Variants in FBN2 observed in about 807,000 individuals in gnomAD.
FBN2 encodes fibrillin-2.
In FBN2, 105 loss-of-function variants were observed where a neutral mutation model predicts 355.6. The observed-to-expected ratio is 0.30, with a 90% confidence interval of 0.25 to 0.35. The LOEUF (loss-of-function observed/expected upper bound fraction) is 0.35. FBN2 is among the 10% of genes least tolerant of loss of function. The pLI is 1.00. For synonymous variants in FBN2, 1,350 were observed against 1,301.2 expected, an observed-to-expected ratio of 1.04 and a Z score of -0.81; for missense variants, 3,280 against 3,758.7, an observed-to-expected ratio of 0.87 and a Z score of 3.33.
chr5:128,371,689 A>G (rs1751949429), intron 15 of FBN2, among the ~76,000 whole-genome samples: 1 of 152,026 alleles, frequency 6.6e-6, no homozygotes, highest in South Asian at 2.1e-4. Flanking sequence ...GCACACCACT[A>G]CAACCGGCTA....
intron 23 of FBN2, among the ~76,000 whole-genome samples, chr5:128,346,850 T>C (rs1276079004): frequency 6.6e-6 from 1 of 152,132 alleles, no homozygotes; most frequent in Non-Finnish European, 1.5e-5. Context: ...GTCCTATTTT[T>C]AAGGAAAAAA....
Position 128,328,749 on chromosome 5 carries a change from C to A in FBN2, c.4418G>T (p.Arg1473Leu). ...AGTGAAGCCCATCTCACACTCGCAG[C>A]GATATGCACCCGGGACATTAAGGCA... ...GQCLNVPGAY[R>L]CECEMGFTPA... Residue 1473 changes from arginine to leucine, a missense_variant, in exon 34 of 65, where the codon CGC becomes CTC. Arg to Leu is a moderately radical substitution (Grantham distance 102, BLOSUM62 -2). This residue lies in a region of FBN2 where 2,284 missense variants were observed against 2,749.5 expected (regional missense o/e 0.83). Transcript: ENST00000262464. The A allele has an allele frequency of 6.2e-7, 1 of 1,614,094 alleles. No homozygotes were observed. Among genetic ancestry groups the A allele is most frequent in the South Asian group, 1.1e-5 (1 of 91,080 alleles).
intron 17 of FBN2, 60 bp downstream of exon 17, chr5:128,366,317 T>C: frequency 1.2e-6 from 1 of 852,244 alleles, no homozygotes; most frequent in Non-Finnish European, 1.9e-6. Flanking sequence ...AATATTAGAA[T>C]TATAAAGCTA....
intron 15 of FBN2, among the ~76,000 whole-genome samples, chr5:128,373,861 A>G (rs1251815100): frequency 6.6e-6 from 1 of 152,140 alleles, no homozygotes; most frequent in African/African-American, 2.4e-5. Flanking sequence ...GCTTAGAATA[A>G]AATATATATT....
intron 7 of FBN2, among the ~76,000 whole-genome samples, chr5:128,444,813 C>T (rs747963640): frequency 6.6e-6 from 1 of 152,174 alleles, no homozygotes; most frequent in African/African-American, 2.4e-5. Context: ...ATACATTGTT[C>T]GATGTGCATT....
At chr5:128,474,520 T>C (rs1754958368) in intron 5 of FBN2, among the ~76,000 whole-genome samples, 1 of 152,194 alleles carries the variant, frequency 6.6e-6, no homozygotes, top group South Asian at 2.1e-4. Context: ...CTTGAACAGA[T>C]CTAATGCATC....
At chr5:128,515,001 T>C (rs918055656) in intron 5 of FBN2, among the ~76,000 whole-genome samples, 3 of 152,238 alleles carry the variant, frequency 2.0e-5, no homozygotes, top group Admixed American at 6.5e-5. Flanking sequence ...TAATTTGCTA[T>C]GTTACTTGAA....
At chr5:128,377,659 G>A (rs369207157) in intron 13 of FBN2, 93 bp downstream of exon 13, 4 of 1,255,582 alleles carry the variant, frequency 3.2e-6, no homozygotes, top group African/African-American at 2.9e-5. Context: ...TCACATACGT[G>A]GTGTGTGAGC....
chr5:128,524,409 A>G (rs1256782004), intron 4 of FBN2, among the ~76,000 whole-genome samples: 1 of 152,124 alleles, frequency 6.6e-6, no homozygotes, highest in Non-Finnish European at 1.5e-5. Flanking sequence ...CCTTTTTAGT[A>G]TTAACTGTCA....
chr5:128,493,180 A>C (rs1755557482), intron 5 of FBN2, among the ~76,000 whole-genome samples: 1 of 152,162 alleles, frequency 6.6e-6, no homozygotes, highest in Non-Finnish European at 1.5e-5. Context: ...GTAATGAGGG[A>C]TTCTGAGAGG....
chr5:128,345,625 A>T, intron 23 of FBN2, 41 bp from the exon 24 acceptor site: 1 of 1,540,962 alleles, frequency 6.5e-7, no homozygotes, highest in South Asian at 1.1e-5. Flanking sequence ...ATGAGTTGAA[A>T]CATCCATTGA....
At chr5:128,503,340 T>G (rs1412320991) in intron 5 of FBN2, among the ~76,000 whole-genome samples, 2 of 152,168 alleles carry the variant, frequency 1.3e-5, no homozygotes, top group African/African-American at 4.8e-5. Context: ...TACAGTAAAT[T>G]GTTATCAGAT....
intron 55 of FBN2, among the ~76,000 whole-genome samples, chr5:128,286,367 G>A (rs1202961179): frequency 6.6e-6 from 1 of 152,118 alleles, no homozygotes; most frequent in Non-Finnish European, 1.5e-5. Flanking sequence ...TAATCTCGAT[G>A]TCTTCCCTAG....
At chr5:128,278,979 T>C in intron 56 of FBN2, 138 bp from the exon 57 acceptor site, 1 of 750,182 alleles carries the variant, frequency 1.3e-6, no homozygotes, top group Admixed American at 2.0e-5. Flanking sequence ...ATTTAAGTTT[T>C]GCTGGCAGTT....
chr5:128,408,935 T>A (rs1753001214), intron 7 of FBN2, 136 bp from the exon 8 acceptor site: 1 of 936,006 alleles, frequency 1.1e-6, no homozygotes, highest in Non-Finnish European at 1.7e-6. Context: ...GATACTCTTG[T>A]TTCAGGCCCC....
chr5:128,272,325 A>T (rs1765288470), intron 61 of FBN2, among the ~76,000 whole-genome samples: 1 of 152,000 alleles, frequency 6.6e-6, no homozygotes, highest in South Asian at 2.1e-4. Flanking sequence ...AGACCAGCTC[A>T]TTCTTCTGCT....
intron 8 of FBN2, among the ~76,000 whole-genome samples, chr5:128,404,353 T>C (rs1409268656): frequency 6.6e-6 from 1 of 152,244 alleles, no homozygotes; most frequent in Non-Finnish European, 1.5e-5. Flanking sequence ...GGTTTTGTAA[T>C]TCTGGAGAGC....
At chr5:128,460,874 A>G (rs999427666) in intron 6 of FBN2, among the ~76,000 whole-genome samples, 1 of 152,216 alleles carries the variant, frequency 6.6e-6, no homozygotes, top group Non-Finnish European at 1.5e-5. Flanking sequence ...AAAGACTTAA[A>G]TGTAAAATCC....
chr5:128,316,204 G>C (rs1160627298), intron 36 of FBN2, among the ~76,000 whole-genome samples: 1 of 152,114 alleles, frequency 6.6e-6, no homozygotes, highest in Non-Finnish European at 1.5e-5. Flanking sequence ...ATAAAACAGT[G>C]ACATTTTATT....
Sources: allele counts gnomAD v4.1 joint callset (sites outside exome capture counted in the v4.1 genomes callset), GRCh38; gene constraint gnomAD v4.1.1; regional missense constraint gnomAD v4.1.1; transcripts MANE v1.5; gene names NCBI Gene and HGNC (gene_info 2026-07-23, HGNC 2026-07-21).